Variants in TUBA4A observed in about 807,000 individuals in gnomAD.
TUBA4A encodes tubulin alpha-4A chain.
Under a neutral mutation model 34.3 loss-of-function variants are expected in TUBA4A, and 23 were observed. That is an observed-to-expected ratio of 0.67 (90% confidence interval 0.48 to 0.95). TUBA4A has a LOEUF of 0.95. Among genes scored for constraint, TUBA4A ranks in the 40% least tolerant of loss-of-function variants. The probability of loss-of-function intolerance (pLI) is 0.00; values close to 1 mark genes in which losing one functional copy is unlikely to be tolerated. For missense variants in TUBA4A, 279 were observed against 599.0 expected (o/e 0.47, Z 5.58); for synonymous variants, 216 against 230.5 (o/e 0.94, Z 0.57).
In TUBA4A at chr2:219,251,971, C is replaced by G; in HGVS notation, c.226+37G>C. 6.3e-7 allele frequency: 1 copy of G among 1,595,068 alleles called. No homozygotes were observed. Among genetic ancestry groups the G allele is most frequent in the Non-Finnish European group, 8.6e-7 (1 of 1,163,342 alleles). On this transcript the variant is annotated intron_variant, in intron 2 of 3. Coordinates refer to ENST00000248437, the MANE Select transcript of TUBA4A (RefSeq NM_006000.3). The surrounding 1 kb of genome is among the most constrained non-coding windows in gnomAD (Gnocchi z 6.1). ...CTCCAGGGAGAAGCTTTGAGTCATGCTCCACCCCCTTCAATTTTGTCCCCA... is the reference window on the plus strand; with the variant it reads ...CTCCAGGGAGAAGCTTTGAGTCATGGTCCACCCCCTTCAATTTTGTCCCCA...
chr2:219,253,455 C>G (rs1240262136), intron 1 of TUBA4A: 24 of 1,454,674 alleles, frequency 1.6e-5, no homozygotes, highest in Admixed American at 5.9e-5. Context: ...GCGCCAAGCA[C>G]GTGCTCGGTC....
Position 219,250,140 on chromosome 2 carries a change from T to C in TUBA4A, c.*212A>G. On this transcript the variant is annotated 3_prime_UTR_variant, in exon 4 of 4. Coordinates refer to ENST00000248437, the MANE Select transcript of TUBA4A (RefSeq NM_006000.3). The surrounding 1 kb of genome is among the most constrained non-coding windows in gnomAD (Gnocchi z 8.4). ...CTTCAATTTAAAGTCCCTGGGGTTA[T>C]GCTTCCTGGGCCTGGCAAGAACCCC... is the stretch of plus-strand genomic sequence containing the variant. 2.8e-6 allele frequency: 2 copies of C among 721,952 alleles called. No homozygotes were observed. The highest frequency in any genetic ancestry group is 4.6e-6 in the Non-Finnish European group (2 of 431,546). 44.7% of individuals were successfully genotyped at this position (721,952 alleles called of 1,614,324 possible).
chr2:219,253,358 G>GC (rs1553571364), intron 1 of TUBA4A: 1 of 1,528,146 alleles, frequency 6.5e-7, no homozygotes, highest in African/African-American at 1.4e-5. Context: ...GAGTCACGGG[G>GC]GGGGGGTGGT....
chr2:219,253,843 G>C lies in TUBA4A; in HGVS notation c.3+13C>G. 1 of 1,507,866 alleles carries C rather than the reference G, an allele frequency of 6.6e-7. No individual in the cohort carries two copies. Among genetic ancestry groups the C allele is most frequent in the African/African-American group, 1.4e-5 (1 of 71,686 alleles). 93.4% of individuals were successfully genotyped at this position (1,507,866 alleles called of 1,614,324 possible). A position where few individuals can be genotyped will look rare whatever the true frequency, so the allele number is the denominator to read the frequency against. On this transcript the variant is annotated intron_variant, in intron 1 of 3. Coordinates refer to ENST00000248437, the MANE Select transcript of TUBA4A (RefSeq NM_006000.3). ...TTAGGGGACAGGCGCGACCCCGGCC[G>C]GGCCGCACTCACCATGGTGAGTCCG...
At chr2:219,253,824 G>A (rs1951689318) in intron 1 of TUBA4A, 32 bp downstream of exon 1, 2 of 1,525,892 alleles carry the variant, frequency 1.3e-6, no homozygotes, top group Non-Finnish European at 1.8e-6. Context: ...GCAATTAGGG[G>A]ACAGGCGCGA....
In TUBA4A at chr2:219,252,726, A is replaced by G; in HGVS notation, c.4-496T>C. ...AAATCCCATCTGGCTCTGGGGATCA[A>G]TCCCATCTGGCTCCTCTCCCCACCT... On this transcript the variant is annotated intron_variant, in intron 1 of 3. Transcript: ENST00000248437. The surrounding 1 kb of genome is among the most constrained non-coding windows in gnomAD (Gnocchi z 4.1). 1 of 460,716 alleles carries G rather than the reference A, an allele frequency of 2.2e-6. No homozygotes were observed. The highest frequency in any genetic ancestry group is 1.6e-5 in the South Asian group (1 of 63,554). The allele number at this position is 460,716 out of a possible 1,614,324, so 28.5% of individuals were successfully genotyped here.
rs764895997 is a variant in TUBA4A, at chr2:219,250,543, C to T, written c.1156G>A (p.Glu386Lys). Residue 386 changes from glutamate (E) to lysine (K), a missense_variant, in exon 4 of 4, where the codon GAG becomes AAG. Physicochemically the swap from Glu to Lys is moderately conservative, Grantham distance 56 (BLOSUM62 1). This residue lies in a region of TUBA4A where 73 missense variants were observed against 128.0 expected (regional missense o/e 0.57). Coordinates refer to ENST00000248437, the MANE Select transcript of TUBA4A (RefSeq NM_006000.3). The surrounding 1 kb of genome is among the most constrained non-coding windows in gnomAD (Gnocchi z 8.4). ...TTGTGGTCCAGGCGGGCCCAGGCCT[C>T]GGCGATGGCGGTCGTGTTGCTCAGC... The part of the protein sequence containing the change: ...CMLSNTTAIA[E>K]AWARLDHKFD... 3.1e-6 allele frequency: 5 copies of T among 1,614,206 alleles called. No homozygotes were observed. The highest frequency in any genetic ancestry group is 4.2e-6 in the Non-Finnish European group (5 of 1,180,042).
Position 219,251,310 on chromosome 2 carries a change from G to A in TUBA4A, c.389C>T (p.Thr130Ile). The change falls in exon 4 of 4, where the codon ACA becomes ATA. Residue 130 changes from threonine (T) to isoleucine (I), a missense_variant. This residue lies in a region of TUBA4A where 98 missense variants were observed against 171.1 expected (regional missense o/e 0.57). Transcript: ENST00000248437. The surrounding 1 kb of genome is among the most constrained non-coding windows in gnomAD (Gnocchi z 6.1). ...DRIRKLSDQC[T>I]GLQGFLVFHS... ...GAACACCAGGAAGCCCTGAAGTCCT[G>A]TGCACTGGTCAGACTGAAAGGCAAG... 6.2e-7 allele frequency: 1 copy of A among 1,610,414 alleles called. No homozygotes were observed. The highest frequency in any genetic ancestry group is 8.5e-7 in the Non-Finnish European group (1 of 1,177,598).
rs562895831 is a variant in TUBA4A, at chr2:219,250,514, G to A, written c.1185C>T (p.Phe395=). ...AEAWARLDHK[F]DLMYAKRAFV... Reference sequence around the variant, plus strand: ...ACGCCCTCTTGGCATACATCAGGTCGAACTTGTGGTCCAGGCGGGCCCAGG... The same window carrying A: ...ACGCCCTCTTGGCATACATCAGGTCAAACTTGTGGTCCAGGCGGGCCCAGG... Residue 395 remains phenylalanine, a synonymous_variant, in exon 4 of 4, where the codon TTC becomes TTT. Coordinates refer to ENST00000248437, the MANE Select transcript of TUBA4A (RefSeq NM_006000.3). The surrounding 1 kb of genome is among the most constrained non-coding windows in gnomAD (Gnocchi z 8.4). 2.2e-5 allele frequency: 35 copies of A among 1,614,166 alleles called. No homozygotes were observed. The Admixed American group carries it at 2.5e-4, about 12-fold the overall frequency.
At chr2:219,253,155 C>T in intron 1 of TUBA4A, 1 of 1,524,902 alleles carries the variant, frequency 6.6e-7, no homozygotes, top group Non-Finnish European at 8.9e-7. Context: ...TCGGCCCCCG[C>T]TCCTGGGCTA....
chr2:219,251,149 G>T lies in TUBA4A; in HGVS notation c.550C>A (p.Pro184Thr). 1 of 1,614,128 alleles carries T rather than the reference G, an allele frequency of 6.2e-7. No individual in the cohort carries two copies. Among genetic ancestry groups the T allele is most frequent in the Non-Finnish European group, 8.5e-7 (1 of 1,180,036 alleles). ...TGGGTGGTCAGGATAGAGTTGTAGGGCTCGACCACGGCTGTAGACACCTGG... is the reference window on the plus strand; with the variant it reads ...TGGGTGGTCAGGATAGAGTTGTAGGTCTCGACCACGGCTGTAGACACCTGG... ...APQVSTAVVE[P>T]YNSILTTHTT... Residue 184 changes from proline (P) to threonine (T), a missense_variant, in exon 4 of 4, where the codon CCC becomes ACC. Pro to Thr is a conservative substitution (Grantham distance 38, BLOSUM62 -1). Around this residue, in one of 3 missense-constraint regions of TUBA4A, gnomAD observed 108 missense variants for 299.9 expected, o/e 0.36. Coordinates refer to ENST00000248437, the MANE Select transcript of TUBA4A (RefSeq NM_006000.3). The surrounding 1 kb of genome is among the most constrained non-coding windows in gnomAD (Gnocchi z 6.1).
In TUBA4A at chr2:219,253,840, GC is replaced by G; in HGVS notation, c.3+15del. The G allele has an allele frequency of 6.6e-7, 1 of 1,512,734 alleles. No individual in the cohort carries two copies. The highest frequency in any genetic ancestry group is 8.8e-7 in the Non-Finnish European group (1 of 1,134,118). 93.7% of individuals were successfully genotyped at this position (1,512,734 alleles called of 1,614,324 possible). On this transcript the variant is annotated intron_variant, in intron 1 of 3. Coordinates refer to ENST00000248437, the MANE Select transcript of TUBA4A (RefSeq NM_006000.3). ...CAATTAGGGGACAGGCGCGACCCCGGCCGGGCCGCACTCACCATGGTGAGTC... is the reference window on the plus strand; with the variant it reads ...CAATTAGGGGACAGGCGCGACCCCGGCGGGCCGCACTCACCATGGTGAGTC...
chr2:219,250,208 G>T lies in TUBA4A; in HGVS notation c.*144C>A. ...CAGCGATGGAAGGGATAAGGGTCAT[G>T]AACAGCAAACAGAGCAGCAGCAGCA... On this transcript the variant is annotated 3_prime_UTR_variant, in exon 4 of 4. Coordinates refer to ENST00000248437, the MANE Select transcript of TUBA4A (RefSeq NM_006000.3). The surrounding 1 kb of genome is among the most constrained non-coding windows in gnomAD (Gnocchi z 8.4). 8.1e-7 allele frequency: 1 copy of T among 1,240,700 alleles called. No homozygotes were observed. The allele number at this position is 1,240,700 out of a possible 1,614,324, so 76.9% of individuals were successfully genotyped here.
chr2:219,253,471 T>C, intron 1 of TUBA4A: 4 of 1,383,452 alleles, frequency 2.9e-6, no homozygotes, highest in Non-Finnish European at 4.0e-6. Flanking sequence ...CGGTCAGTGC[T>C]GAGGACCAGG....
rs1332048689 is a variant in TUBA4A at position 219,250,498 on chromosome 2, T to G, written c.1201A>C (p.Lys401Gln). The G allele has an allele frequency of 6.2e-7, 1 of 1,614,172 alleles. No homozygotes were observed. The change falls in exon 4 of 4, where the codon AAG (lysine) becomes CAG (glutamine). Residue 401 changes from lysine to glutamine, a missense_variant. Around this residue, in one of 3 missense-constraint regions of TUBA4A, gnomAD observed 73 missense variants for 128.0 expected, o/e 0.57. Coordinates refer to ENST00000248437, the MANE Select transcript of TUBA4A (RefSeq NM_006000.3). The surrounding 1 kb of genome is among the most constrained non-coding windows in gnomAD (Gnocchi z 8.4). ...LDHKFDLMYA[K>Q]RAFVHWYVGE... Reference sequence around the variant, plus strand: ...ACATACCAGTGCACAAACGCCCTCTTGGCATACATCAGGTCGAACTTGTGG... The same window carrying G: ...ACATACCAGTGCACAAACGCCCTCTGGGCATACATCAGGTCGAACTTGTGG...
chr2:219,251,809 G>A lies in TUBA4A; in HGVS notation c.227-96C>T. The stretch of plus-strand genomic sequence containing the variant: ...GATGCATGGAAGGACTCATCCTCCT[G>A]CCAGCCTGAGATACCAGAGTGTGAG... On this transcript the variant is annotated intron_variant, in intron 2 of 3. Transcript: ENST00000248437. The surrounding 1 kb of genome is among the most constrained non-coding windows in gnomAD (Gnocchi z 6.1). 6.7e-7 allele frequency: 1 copy of A among 1,483,894 alleles called. No homozygotes were observed. Among genetic ancestry groups the A allele is most frequent in the Non-Finnish European group, 9.1e-7 (1 of 1,100,144 alleles). The allele number at this position is 1,483,894 out of a possible 1,614,324, so 91.9% of individuals were successfully genotyped here.
chr2:219,251,386 C>G lies in TUBA4A; in HGVS notation c.376-63G>C, dbSNP rs1269943721. On this transcript the variant is annotated intron_variant, in intron 3 of 3. Transcript: ENST00000248437. The surrounding 1 kb of genome is among the most constrained non-coding windows in gnomAD (Gnocchi z 6.1). ...GGAGGGGCCTGAGGGACTCTATCAC[C>G]TGGCTCCATAAAGCGTAAGATACAT... 2 of 1,546,446 alleles carry G rather than the reference C, an allele frequency of 1.3e-6. No homozygotes were observed. Among genetic ancestry groups the G allele is most frequent in the Non-Finnish European group, 1.7e-6 (2 of 1,146,572 alleles).
Position 219,250,750 on chromosome 2 carries a change from G to A in TUBA4A, c.949C>T (p.Leu317=), listed in dbSNP as rs1398346510. The change falls in exon 4 of 4, where the codon CTG becomes TTG. Residue 317 remains leucine, a synonymous_variant. Transcript: ENST00000248437. This position sits in a 1 kb window ranked among gnomAD's most constrained non-coding sequence, Gnocchi z 8.4. ...GGCACCACATCTCCACGGTACAGCA[G>A]GCAGCAGGCCATGTACTTGCCGTGC... ...PRHGKYMACC[L]LYRGDVVPKD... 1 of 1,614,246 alleles carries A rather than the reference G, an allele frequency of 6.2e-7. No homozygotes were observed. Among genetic ancestry groups the A allele is most frequent in the South Asian group, 1.1e-5 (1 of 91,090 alleles).
Position 219,252,793 on chromosome 2 carries a change from G to A in TUBA4A, c.4-563C>T, listed in dbSNP as rs112065677. 18 of 471,622 alleles carry A rather than the reference G, an allele frequency of 3.8e-5. No homozygotes were observed. Among genetic ancestry groups the A allele is most frequent in the African/African-American group, 4.0e-5 (2 of 50,104 alleles). The allele number at this position is 471,622 out of a possible 1,614,324, so 29.2% of individuals were successfully genotyped here. On this transcript the variant is annotated intron_variant, in intron 1 of 3. Transcript: ENST00000248437. This position sits in a 1 kb window ranked among gnomAD's most constrained non-coding sequence, Gnocchi z 4.1. ...GGTGTCTTCACCACTTTCATCTCCC[G>A]TGTCAGCCCGCACGGAAATAGCGGC...
Sources: allele counts gnomAD v4.1 joint callset, GRCh38; gene constraint gnomAD v4.1.1; regional missense constraint gnomAD v4.1.1; non-coding constraint Gnocchi (gnomAD v3.1); transcripts MANE v1.5; gene names NCBI Gene and HGNC (gene_info 2026-07-23, HGNC 2026-07-21).